Variants in ANAPC16 observed in about 807,000 individuals in gnomAD.
The protein encoded by ANAPC16 is anaphase promoting complex subunit 16, also known as anaphase-promoting complex subunit 16.
ANAPC16 carries 6 observed loss-of-function variants against 13.1 expected under a neutral mutation model. The observed-to-expected ratio is 0.46, with a 90% CI of 0.25 to 0.90. The LOEUF is 0.90. ANAPC16 is among the 40% of genes least tolerant of loss of function. The pLI, the probability that ANAPC16 is intolerant of heterozygous loss-of-function variation, is 0.18. For missense variants in ANAPC16, 113 were observed against 131.1 expected, an observed-to-expected ratio of 0.86 and a Z score of 0.67; for synonymous variants, 55 against 51.3, an observed-to-expected ratio of 1.07 and a Z score of -0.31.
chr10:72,233,791 C>G lies in ANAPC16; in HGVS notation c.*675C>G, dbSNP rs1589720069. ...AGTTCTTCTCATTGGTGGACTCAAGCAATTCTGTAGCAAATAAATCCTTTG... is the reference window on the plus strand; with the variant it reads ...AGTTCTTCTCATTGGTGGACTCAAGGAATTCTGTAGCAAATAAATCCTTTG... On this transcript the variant is annotated 3_prime_UTR_variant, in exon 4 of 4. Transcript: ENST00000299381. 1 of 152,528 alleles carries G rather than the reference C, an allele frequency of 6.6e-6. No homozygotes were observed. The highest frequency in any genetic ancestry group is 1.5e-5 in the Non-Finnish European group (1 of 68,016). The allele number at this position is 152,528 out of a possible 1,614,324, so 9.4% of individuals were successfully genotyped here. A position where few individuals can be genotyped will look rare whatever the true frequency, so the allele number is the denominator to read the frequency against.
chr10:72,223,943 C>A lies in ANAPC16; in HGVS notation c.29C>A (p.Ala10Asp), dbSNP rs755602831. 6.2e-7 allele frequency: 1 copy of A among 1,607,978 alleles called. No individual in the cohort carries two copies. Among genetic ancestry groups the A allele is most frequent in the South Asian group, 1.1e-5 (1 of 90,688 alleles). Residue 10 changes from alanine to aspartate, a missense_variant, in exon 2 of 4, where the codon GCT (alanine) becomes GAT (aspartate). Transcript: ENST00000299381. The stretch of plus-strand genomic sequence containing the variant: ...GCTGCTTCATCATCATCCTCCTCAG[C>A]TGGTGGGGTCAGTGGAAGTTCTGTC... Reference protein sequence around the residue: MAASSSSSSAGGVSGSSVTG... With the variant: MAASSSSSSDGGVSGSSVTG...
rs546766682 is a variant in ANAPC16 at position 72,224,093 on chromosome 10, A to G, written c.142+37A>G. On this transcript the variant is annotated intron_variant, in intron 2 of 3. Coordinates refer to ENST00000299381, the MANE Select transcript of ANAPC16 (RefSeq NM_173473.4). The stretch of plus-strand genomic sequence containing the variant: ...CTGCTTTCTGAATAATTGGATTCAG[A>G]TCTGCAATGCATATTAATTGTAAAG... 8 of 1,520,794 alleles carry G rather than the reference A, an allele frequency of 5.3e-6. No individual in the cohort carries two copies. The South Asian group carries it at 9.9e-5, about 19-fold the overall frequency. 94.2% of individuals were successfully genotyped at this position (1,520,794 alleles called of 1,614,324 possible). A position where few individuals can be genotyped will look rare whatever the true frequency, so the allele number is the denominator to read the frequency against.
chr10:72,224,469 C>T (rs556144491), intron 2 of ANAPC16, among the ~76,000 whole-genome samples: 11 of 151,872 alleles, frequency 7.2e-5, no homozygotes, highest in African/African-American at 2.4e-4. Context: ...AAAAATTAGC[C>T]GGGCATGGTG....
intron 1 of ANAPC16, 137 bp from the exon 2 acceptor site, chr10:72,223,751 T>C: frequency 1.7e-6 from 1 of 603,134 alleles, no homozygotes; most frequent in Non-Finnish European, 2.6e-6. Context: ...AATAAAATAT[T>C]GTGAAAGTAG....
Position 72,225,745 on chromosome 10 carries a change from C to CA in ANAPC16, c.142+1696dup, listed in dbSNP as rs57406177. 6.0e-3 allele frequency among the ~76,000 whole-genome samples: 912 copies of CA among 151,890 alleles called. 6 individuals are homozygous for CA. The highest frequency in any genetic ancestry group is 0.013 in the African/African-American group (537 of 41,424). ...TGAAACCCCGTCTCTACTAAAAATACAAAAAAATTAGCTGGATGTGGTGGC... is the reference window on the plus strand; with the variant it reads ...TGAAACCCCGTCTCTACTAAAAATACAAAAAAAATTAGCTGGATGTGGTGGC... On this transcript the variant is annotated intron_variant, in intron 2 of 3. Coordinates refer to ENST00000299381, the MANE Select transcript of ANAPC16 (RefSeq NM_173473.4).
At chr10:72,232,769 A>G (rs1029648042) in intron 3 of ANAPC16, among the ~76,000 whole-genome samples, 6 of 151,454 alleles carry the variant, frequency 4.0e-5, no homozygotes, top group African/African-American at 1.5e-4. Flanking sequence ...ACGTCCAGCT[A>G]ATTTTTTTTG....
At chr10:72,221,606 G>C (rs930017030) in intron 1 of ANAPC16, among the ~76,000 whole-genome samples, 21 of 139,548 alleles carry the variant, frequency 1.5e-4, no homozygotes, top group Non-Finnish European at 3.2e-4. Context: ...AGACTGGAGT[G>C]CAATGGAATG....
chr10:72,218,332 A>G (rs140886998), intron 1 of ANAPC16, among the ~76,000 whole-genome samples: 52 of 151,310 alleles, frequency 3.4e-4, no homozygotes, highest in Non-Finnish European at 6.6e-4. Flanking sequence ...AACACTAGGC[A>G]TAAATGGGTT....
chr10:72,230,442 T>G lies in ANAPC16; in HGVS notation c.217+2T>G. On this transcript the variant is annotated splice_donor_variant, in intron 3 of 3. Transcript: ENST00000299381. LOFTEE classifies it high-confidence loss of function. The stretch of plus-strand genomic sequence containing the variant: ...CCACGCTTAAACAGGTGAAACATGG[T>G]AAGCACATGAGTGTTGCGTACTTGA... 2 of 1,613,650 alleles carry G rather than the reference T, an allele frequency of 1.2e-6. No homozygotes were observed. Among genetic ancestry groups the G allele is most frequent in the Non-Finnish European group, 1.7e-6 (2 of 1,179,616 alleles).
Position 72,233,040 on chromosome 10 carries a change from T to G in ANAPC16, c.257T>G (p.Val86Gly). The G allele has an allele frequency of 6.2e-7, 1 of 1,614,244 alleles. No individual in the cohort carries two copies. Among genetic ancestry groups the G allele is most frequent in the South Asian group, 1.1e-5 (1 of 91,090 alleles). Residue 86 changes from valine to glycine, a missense_variant, in exon 4 of 4, where the codon GTA (valine) becomes GGA (glycine). Val to Gly is a moderately radical substitution (Grantham distance 109). Coordinates refer to ENST00000299381, the MANE Select transcript of ANAPC16 (RefSeq NM_173473.4). The stretch of plus-strand genomic sequence containing the variant: ...CGGATGGAAAAACTAGCTGGTTTGG[T>G]AGAAGAGCTGGAGGCTGACGAGTGG... Reference protein sequence around the residue: ...VARMEKLAGLVEELEADEWRF... With the variant: ...VARMEKLAGLGEELEADEWRF...
chr10:72,217,458 G>C (rs1210432405), intron 1 of ANAPC16, among the ~76,000 whole-genome samples: 1 of 147,174 alleles, frequency 6.8e-6, no homozygotes, highest in Non-Finnish European at 1.5e-5. Context: ...CTGGGTGACA[G>C]CGAGAATCCG....
rs60416358 is a variant in ANAPC16 at position 72,229,345 on chromosome 10, G to A, written c.143-1021G>A. ...TTGTTTTTTTTTTTAATTGGTTATT[G>A]TGACTTCTGAAATAAGGTTTCCTTT... is the stretch of plus-strand genomic sequence containing the variant. On this transcript the variant is annotated intron_variant, in intron 2 of 3. Coordinates refer to ENST00000299381, the MANE Select transcript of ANAPC16 (RefSeq NM_173473.4). Among the ~76,000 whole-genome samples the A allele has an allele frequency of 7.3e-3, 974 of 133,150 alleles. 5 individuals carry two copies. The highest frequency in any genetic ancestry group is 0.026 in the African/African-American group (927 of 35,406). 87.4% of individuals were successfully genotyped at this position (133,150 alleles called of 152,430 possible). A position where few individuals can be genotyped will look rare whatever the true frequency, so the allele number is the denominator to read the frequency against.
At chr10:72,224,778 T>C (rs150420171) in intron 2 of ANAPC16, among the ~76,000 whole-genome samples, 6 of 152,290 alleles carry the variant, frequency 3.9e-5, no homozygotes, top group African/African-American at 1.4e-4. Context: ...TCAGAAAGGT[T>C]CTAAGAGGGA....
intron 1 of ANAPC16, among the ~76,000 whole-genome samples, chr10:72,222,964 G>GT (rs1589710584): frequency 6.6e-6 from 1 of 152,094 alleles, no homozygotes; most frequent in East Asian, 1.9e-4. Flanking sequence ...ACACTCACAG[G>GT]TAGGTGCTCT....
intron 2 of ANAPC16, among the ~76,000 whole-genome samples, chr10:72,224,867 C>T (rs1352620998): frequency 6.6e-6 from 1 of 152,180 alleles, no homozygotes; most frequent in Non-Finnish European, 1.5e-5. Context: ...GTTCTTATAG[C>T]ACCAAAGCCA....
intron 1 of ANAPC16, chr10:72,216,914 G>C: frequency 2.2e-6 from 1 of 456,236 alleles, no homozygotes; most frequent in South Asian, 1.5e-5. Context: ...ACTGGTTGAA[G>C]ATAGAGTTGT....
chr10:72,225,973 T>C (rs1323279056), intron 2 of ANAPC16, among the ~76,000 whole-genome samples: 1 of 152,062 alleles, frequency 6.6e-6, no homozygotes, highest in Non-Finnish European at 1.5e-5. Context: ...TTCTAGTATT[T>C]TAGTGCTTAA....
intron 1 of ANAPC16, among the ~76,000 whole-genome samples, chr10:72,221,429 T>C (rs1720615092): frequency 6.6e-6 from 1 of 152,066 alleles, no homozygotes; most frequent in African/African-American, 2.4e-5. Context: ...CACACCAGTT[T>C]ATAGGTGCAA....
intron 2 of ANAPC16, among the ~76,000 whole-genome samples, chr10:72,226,208 A>G (rs939168586): frequency 1.3e-5 from 2 of 151,718 alleles, no homozygotes; most frequent in African/African-American, 4.8e-5. Flanking sequence ...TAATAGAGGC[A>G]GGGTTTCGCC....
Sources: gnomAD v4.1 joint callset for allele counts (sites outside exome capture counted in the v4.1 genomes callset) on GRCh38, gnomAD v4.1.1 for gene constraint, MANE v1.5 for transcripts, NCBI Gene and HGNC (gene_info 2026-07-23, HGNC 2026-07-21) for gene names.